CD44: variants seen among roughly 807,000 people sequenced by gnomAD.
CD44 encodes CD44 antigen.
In CD44, 49 loss-of-function variants were observed where a neutral mutation model predicts 88.8. The observed-to-expected ratio is 0.55, with a 90% CI of 0.44 to 0.70. CD44 has a LOEUF of 0.70. CD44 is among the 30% of genes least tolerant of loss of function. The probability of loss-of-function intolerance (pLI) is 0.00; values close to 1 mark genes in which losing one functional copy is unlikely to be tolerated. For synonymous variants in CD44, 325 were observed against 312.3 expected, an observed-to-expected ratio of 1.04 and a Z score of -0.43; for missense variants, 883 against 913.8, an observed-to-expected ratio of 0.97 and a Z score of 0.43.
intron 9 of CD44, among the ~76,000 whole-genome samples, chr11:35,203,625 A>G (rs1947526048): frequency 6.6e-6 from 1 of 152,098 alleles, no homozygotes; most frequent in African/African-American, 2.4e-5. Context: ...ATTTTCTAAG[A>G]TAAGGAAATA....
chr11:35,159,748 A>G (rs1942357801), intron 1 of CD44, among the ~76,000 whole-genome samples: 1 of 152,224 alleles, frequency 6.6e-6, no homozygotes, highest in Admixed American at 6.5e-5. Flanking sequence ...AGGCTCATAA[A>G]GCGGACGTAA....
At chr11:35,161,276 C>T (rs1942564276) in intron 1 of CD44, among the ~76,000 whole-genome samples, 1 of 152,094 alleles carries the variant, frequency 6.6e-6, no homozygotes, top group African/African-American at 2.4e-5. Context: ...GAAGGCATTA[C>T]TTTTATTTTA....
chr11:35,144,472 T>C (rs143498830), intron 1 of CD44, among the ~76,000 whole-genome samples: 38 of 152,356 alleles, frequency 2.5e-4, no homozygotes, highest in African/African-American at 8.9e-4. Context: ...GTAGGCGTTC[T>C]TTAGAATGGC....
chr11:35,143,014 C>A (rs752034898), intron 1 of CD44, among the ~76,000 whole-genome samples: 1 of 152,070 alleles, frequency 6.6e-6, no homozygotes, highest in Non-Finnish European at 1.5e-5. Context: ...CTCAACCCCA[C>A]CCCCTGCAGT....
At chr11:35,152,858 A>G (rs932669062) in intron 1 of CD44, among the ~76,000 whole-genome samples, 2 of 152,140 alleles carry the variant, frequency 1.3e-5, no homozygotes, top group African/African-American at 2.4e-5. Flanking sequence ...GGATAACTCA[A>G]TAAAGGGCTA....
At chr11:35,176,039 A>ATTTTTTT (rs201610565) in intron 1 of CD44, among the ~76,000 whole-genome samples, 3 of 102,210 alleles carry the variant, frequency 2.9e-5, no homozygotes, top group African/African-American at 3.5e-5. Context: ...TAATTTTTGT[A>ATTTTTTT]TTTTTTTTTT....
chr11:35,220,323 C>T (rs1393282552), intron 16 of CD44, among the ~76,000 whole-genome samples: 2 of 152,174 alleles, frequency 1.3e-5, no homozygotes, highest in Admixed American at 1.3e-4. Flanking sequence ...ACCAGGGCCA[C>T]AGTGGGCAGG....
chr11:35,224,063 T>C (rs1429109221), intron 17 of CD44, among the ~76,000 whole-genome samples: 1 of 152,186 alleles, frequency 6.6e-6, no homozygotes, highest in African/African-American at 2.4e-5. Context: ...TGAATTTGAA[T>C]TGGCTAATAT....
At chr11:35,222,398 T>C (rs1203483064) in intron 17 of CD44, 5 of 1,299,708 alleles carry the variant, frequency 3.8e-6, no homozygotes, top group African/African-American at 1.5e-5. Context: ...GGTTATAGCA[T>C]AAGAAGAGCA....
chr11:35,178,816 T>A (rs981824805), intron 2 of CD44, among the ~76,000 whole-genome samples: 5 of 152,210 alleles, frequency 3.3e-5, no homozygotes, highest in African/African-American at 1.2e-4. Context: ...TTAGAAAAAC[T>A]GTGCCAAAGA....
At chr11:35,205,732 T>C in intron 10 of CD44, 6 of 936,374 alleles carry the variant, frequency 6.4e-6, no homozygotes, top group South Asian at 4.9e-5. Context: ...GGCTGGAATA[T>C]GGTTGTCTCA....
At chr11:35,223,763 T>A (rs937212369) in intron 17 of CD44, among the ~76,000 whole-genome samples, 1 of 152,214 alleles carries the variant, frequency 6.6e-6, no homozygotes, top group Non-Finnish European at 1.5e-5. Context: ...GGCCCCTTAA[T>A]GGGCTCTGTG....
chr11:35,173,150 C>A (rs575383791), intron 1 of CD44, among the ~76,000 whole-genome samples: 6 of 152,328 alleles, frequency 3.9e-5, no homozygotes, highest in African/African-American at 1.4e-4. Context: ...ATTGTCCATG[C>A]CTCAGAGTTG....
chr11:35,215,128 A>T (rs1948722838), intron 15 of CD44: 1 of 396,162 alleles, frequency 2.5e-6, no homozygotes, highest in South Asian at 1.0e-4. Flanking sequence ...AAGCATTTGC[A>T]TTTCTAATCA....
rs1420998054 is a variant in CD44, at chr11:35,198,251, G to T, written c.922+5G>T. 12 of 1,613,588 alleles carry T rather than the reference G, an allele frequency of 7.4e-6. No homozygotes were observed. The highest frequency in any genetic ancestry group is 1.0e-5 in the Non-Finnish European group (12 of 1,179,662). ...AAGATTTTATCTCCAGCACCAGTAA[G>T]AATAATCAATTACAGTACAGCCATT... is the stretch of plus-strand genomic sequence containing the variant. On this transcript the variant is annotated splice_donor_5th_base_variant and intron_variant, in intron 7 of 17. Transcript: ENST00000428726.
intron 9 of CD44, among the ~76,000 whole-genome samples, chr11:35,202,605 C>T (rs975287544): frequency 2.6e-5 from 4 of 152,094 alleles, no homozygotes; most frequent in Non-Finnish European, 5.9e-5. Flanking sequence ...CTAGATACAC[C>T]TAATGGGGAA....
Position 35,153,708 on chromosome 11 carries a change from G to A in CD44, c.67+14338G>A, listed in dbSNP as rs114873312. Among the ~76,000 whole-genome samples the A allele has an allele frequency of 6.3e-3, 954 of 152,308 alleles. 7 individuals are homozygous for A. The highest frequency in any genetic ancestry group is 0.022 in the African/African-American group (916 of 41,564). On this transcript the variant is annotated intron_variant, in intron 1 of 17. Transcript: ENST00000428726. ...ATGCCTTTGTTTAATTACACTTGTG[G>A]TAAGTGCTATGAAGGAGAAGCACTG... is the stretch of plus-strand genomic sequence containing the variant.
At chr11:35,202,908 A>T (rs1591238819) in intron 9 of CD44, among the ~76,000 whole-genome samples, 1 of 152,210 alleles carries the variant, frequency 6.6e-6, no homozygotes, top group Non-Finnish European at 1.5e-5. Context: ...GAGCCCTAAC[A>T]GTATACCTTA....
At chr11:35,176,784 G>A (rs369701383) in intron 2 of CD44, 44 bp downstream of exon 2, 12 of 1,586,826 alleles carry the variant, frequency 7.6e-6, no homozygotes, top group Non-Finnish European at 1.0e-5. Context: ...TGGCGGCCTG[G>A]GACCAGGCAG....
Sources: gnomAD v4.1 joint callset for allele counts (sites outside exome capture counted in the v4.1 genomes callset) on GRCh38, gnomAD v4.1.1 for gene constraint, MANE v1.5 for transcripts, NCBI Gene and HGNC (gene_info 2026-07-23, HGNC 2026-07-21) for gene names.